The following P2RY8 variants were observed in gnomAD, a reference collection of about 807,000 sequenced individuals.
P2RY8 encodes P2Y receptor family member 8.
In P2RY8, 6 loss-of-function variants were observed where a neutral mutation model predicts 10.0. The ratio of observed to expected loss-of-function variants is 0.60; its 90% CI spans 0.33 to 1.19. The LOEUF is 1.19. P2RY8 is among the 50% of genes most tolerant of loss of function. The pLI is 0.04. For missense variants in P2RY8, 456 were observed against 542.0 expected, an observed-to-expected ratio of 0.84 and a Z score of 1.58; for synonymous variants, 276 against 252.5, an observed-to-expected ratio of 1.09 and a Z score of -0.88.
chrX:1,517,024 A>C (rs1243828573), intron 1 of P2RY8, among the ~76,000 whole-genome samples: 23 of 152,130 alleles, frequency 1.5e-4, no homozygotes, highest in African/African-American at 5.6e-4. Flanking sequence ...ACACACACAG[A>C]TGGACGACTC....
At chrX:1,466,698 G>C (rs1251589555) in intron 1 of P2RY8, 116 bp from the exon 2 acceptor site, 10 of 997,508 alleles carry the variant, frequency 1.0e-5, no homozygotes, top group Non-Finnish European at 1.3e-5. Flanking sequence ...TGCTTTAGCA[G>C]GGCCTGCTGT....
chrX:1,536,266 T>TG (rs1351011751), intron 1 of P2RY8, among the ~76,000 whole-genome samples: 55 of 151,316 alleles, frequency 3.6e-4, no homozygotes, highest in Non-Finnish European at 4.7e-4. Flanking sequence ...AGTTTTTTTT[T>TG]GTTTTTTTTT....
chrX:1,524,677 C>T (rs536413684), intron 1 of P2RY8, among the ~76,000 whole-genome samples: 7,407 of 30,494 alleles, frequency 0.24, 756 homozygotes, highest in Non-Finnish European at 0.32. Context: ...ATTCATCCAT[C>T]CATCCATCCA....
chrX:1,530,559 C>G (rs866999477), intron 1 of P2RY8, among the ~76,000 whole-genome samples: 1 of 141,152 alleles, frequency 7.1e-6, no homozygotes, highest in Non-Finnish European at 1.5e-5. Context: ...ATCTATGTAT[C>G]TATCTATCTG....
At chrX:1,517,747 C>T (rs1177396343) in intron 1 of P2RY8, among the ~76,000 whole-genome samples, 5 of 152,110 alleles carry the variant, frequency 3.3e-5, no homozygotes, top group African/African-American at 4.8e-5. Flanking sequence ...AATCTTCACA[C>T]GTGTCTCTGG....
At chrX:1,473,225 A>C (rs1241991835) in intron 1 of P2RY8, among the ~76,000 whole-genome samples, 5 of 144,692 alleles carry the variant, frequency 3.5e-5, no homozygotes, top group African/African-American at 1.3e-4. Context: ...AGGTAGATGG[A>C]TAGATGAGTA....
chrX:1,488,889 G>T (rs2092013234), intron 1 of P2RY8, among the ~76,000 whole-genome samples: 4 of 152,032 alleles, frequency 2.6e-5, no homozygotes. Flanking sequence ...ATGCAAATGT[G>T]GAGGGAATGA....
Position 1,494,800 on chromosome X carries a change from G to T in P2RY8, c.-24-28218C>A, listed in dbSNP as rs769016807. Among the ~76,000 whole-genome samples, 9 of 152,116 alleles carry T rather than the reference G, an allele frequency of 5.9e-5. No homozygotes were observed. The South Asian group carries it at 1.9e-3, about 32-fold the overall frequency. ...CGCTCACTGTCACTTCCTCCTCCCA[G>T]GTTCAAATGATTCTGCCTCAGCCTC... On this transcript the variant is annotated intron_variant, in intron 1 of 1. Transcript: ENST00000381297.
intron 1 of P2RY8, 123 bp from the exon 2 acceptor site, chrX:1,466,705 C>CTG (rs2091684032): frequency 2.3e-6 from 2 of 865,234 alleles, no homozygotes; most frequent in Admixed American, 3.2e-5. Flanking sequence ...GCAGGGCCTG[C>CTG]TGTCTCCTCC....
intron 1 of P2RY8, among the ~76,000 whole-genome samples, chrX:1,478,246 C>CGTGTGTGTGTGTGTGTGTGTGTGT (rs1389734508): frequency 1.4e-5 from 2 of 141,168 alleles, no homozygotes; most frequent in Non-Finnish European, 3.0e-5. Flanking sequence ...TGCTGGCAGG[C>CGTGTGTGTGTGTGTGTGTGTGTGT]GTATGTGTGT....
intron 1 of P2RY8, among the ~76,000 whole-genome samples, chrX:1,503,549 T>A (rs1302436138): frequency 6.6e-6 from 1 of 152,052 alleles, no homozygotes; most frequent in South Asian, 2.1e-4. Flanking sequence ...TCACCTGAGG[T>A]CAGGAGTTCG....
At chrX:1,468,155 C>G (rs1379164695) in intron 1 of P2RY8, among the ~76,000 whole-genome samples, 1 of 152,146 alleles carries the variant, frequency 6.6e-6, no homozygotes, top group African/African-American at 2.4e-5. Context: ...CCAGGCTGGT[C>G]TCAAACTCCT....
In P2RY8 at chrX:1,465,659, G is replaced by A; in HGVS notation, c.900C>T (p.Phe300=). 4 of 1,613,600 alleles carry A rather than the reference G, an allele frequency of 2.5e-6. No homozygotes were observed. The highest frequency in any genetic ancestry group is 3.4e-6 in the Non-Finnish European group (4 of 1,179,842). The change falls in exon 2 of 2, where the codon TTC becomes TTT. Residue 300 remains phenylalanine (F), a synonymous_variant. Coordinates refer to ENST00000381297, the MANE Select transcript of P2RY8 (RefSeq NM_178129.5). ...PFVYYFASRE[F]QLRLREYLGC... ...CCAAATATTCCCGCAGGCGCAGCTG[G>A]AATTCCCGGGACGCAAAGTAATAAA...
intron 1 of P2RY8, among the ~76,000 whole-genome samples, chrX:1,508,571 A>G (rs758615343): frequency 6.6e-6 from 1 of 150,926 alleles, no homozygotes; most frequent in Admixed American, 6.6e-5. Context: ...TTATCTCTCT[A>G]TCTATCATCT....
chrX:1,492,581 C>G (rs1475851345), intron 1 of P2RY8, among the ~76,000 whole-genome samples: 2 of 152,124 alleles, frequency 1.3e-5, no homozygotes, highest in African/African-American at 2.4e-5. Context: ...ACCATGTAAG[C>G]TCCTGGATCC....
chrX:1,466,568 G>A lies in P2RY8; in HGVS notation c.-10C>T, dbSNP rs2091679901. On this transcript the variant is annotated 5_prime_UTR_variant, in exon 2 of 2. Coordinates refer to ENST00000381297, the MANE Select transcript of P2RY8 (RefSeq NM_178129.5). ...TGTTCGGGACCTGCATCCTGGAGGGGTCCTCGCCCGGGCTCTGCAAGGGAA... is the reference window on the plus strand; with the variant it reads ...TGTTCGGGACCTGCATCCTGGAGGGATCCTCGCCCGGGCTCTGCAAGGGAA... 6.3e-7 allele frequency: 1 copy of A among 1,599,030 alleles called. No homozygotes were observed. The highest frequency in any genetic ancestry group is 2.2e-5 in the East Asian group (1 of 44,766).
chrX:1,509,156 A>AT (rs2092268947), intron 1 of P2RY8, among the ~76,000 whole-genome samples: 1 of 121,988 alleles, frequency 8.2e-6, no homozygotes, highest in African/African-American at 3.0e-5. Context: ...CTATGTATCC[A>AT]TCCATTCTAT....
intron 1 of P2RY8, among the ~76,000 whole-genome samples, chrX:1,524,920 T>TCCAC (rs1344145229): frequency 6.7e-6 from 1 of 148,644 alleles, no homozygotes; most frequent in South Asian, 2.1e-4. Context: ...CATCCATCCA[T>TCCAC]CCACCCACCC....
intron 1 of P2RY8, among the ~76,000 whole-genome samples, chrX:1,533,900 T>C (rs2092502536): frequency 8.1e-6 from 1 of 123,092 alleles, no homozygotes; most frequent in African/African-American, 3.3e-5. Context: ...TACTTATATA[T>C]GTATTATTTA....
Sources: gnomAD v4.1 joint callset for allele counts (sites outside exome capture counted in the v4.1 genomes callset) on GRCh38, gnomAD v4.1.1 for gene constraint, MANE v1.5 for transcripts, NCBI Gene and HGNC (gene_info 2026-07-23, HGNC 2026-07-21) for gene names.